HECW2: variants seen among roughly 807,000 people sequenced by gnomAD.
HECW2 encodes the protein E3 ubiquitin-protein ligase HECW2.
HECW2 carries 61 observed loss-of-function variants against 175.2 expected under a neutral mutation model. The ratio of observed to expected loss-of-function variants is 0.35; its 90% CI spans 0.28 to 0.43. The LOEUF (loss-of-function observed/expected upper bound fraction) is 0.43. Ranked by LOEUF, HECW2 falls within the 20% of genes least tolerant of loss-of-function variation. The probability of loss-of-function intolerance (pLI) is 1.00; values close to 1 mark genes in which losing one functional copy is unlikely to be tolerated. For synonymous variants in HECW2, 671 were observed against 731.0 expected (o/e 0.92, Z 1.32); for missense variants, 1,524 against 2,000.5 (o/e 0.76, Z 4.54).
intron 17 of HECW2, among the ~76,000 whole-genome samples, chr2:196,262,451 T>C (rs371644369): frequency 6.6e-6 from 1 of 152,252 alleles, no homozygotes; most frequent in African/African-American, 2.4e-5. Context: ...TATCTCTCTG[T>C]GCCCCTTAGA....
chr2:196,447,306 C>T (rs1335331670), intron 1 of HECW2, among the ~76,000 whole-genome samples: 1 of 152,134 alleles, frequency 6.6e-6, no homozygotes, highest in South Asian at 2.1e-4. Context: ...AAAAGTATCA[C>T]ACAACGATGA....
chr2:196,482,186 G>C (rs1686864432), intron 1 of HECW2, among the ~76,000 whole-genome samples: 1 of 152,200 alleles, frequency 6.6e-6, no homozygotes, highest in African/African-American at 2.4e-5. Flanking sequence ...GATACTCACA[G>C]GGCCAATATG....
chr2:196,433,691 A>G (rs1348279329), intron 1 of HECW2, among the ~76,000 whole-genome samples: 2 of 152,098 alleles, frequency 1.3e-5, no homozygotes, highest in Non-Finnish European at 2.9e-5. Context: ...CCTCGATTTC[A>G]CTTGGCACAG....
intron 2 of HECW2, among the ~76,000 whole-genome samples, chr2:196,350,630 A>C (rs151313939): frequency 2.0e-5 from 3 of 150,436 alleles, no homozygotes; most frequent in African/African-American, 7.5e-5. Flanking sequence ...TCATTCATTC[A>C]TTCATTTGAC....
At chr2:196,520,295 G>A (rs931112408) in intron 1 of HECW2, among the ~76,000 whole-genome samples, 4 of 151,594 alleles carry the variant, frequency 2.6e-5, no homozygotes, top group Non-Finnish European at 4.4e-5. Context: ...CAGTGAGCAT[G>A]GTAGACTGTG....
At chr2:196,361,856 C>G (rs889701407) in intron 2 of HECW2, 1 of 985,334 alleles carries the variant, frequency 1.0e-6, no homozygotes, top group African/African-American at 1.7e-5. Context: ...TCAAATGAGA[C>G]TTAGGCAGCA....
intron 10 of HECW2, 42 bp from the exon 11 acceptor site, chr2:196,308,127 C>G (rs2105714273): frequency 6.9e-7 from 1 of 1,449,694 alleles, no homozygotes; most frequent in Admixed American, 2.1e-5. Flanking sequence ...GGAGGAGGAG[C>G]TGAGATGATT....
chr2:196,360,234 G>A (rs1345158519), intron 2 of HECW2, among the ~76,000 whole-genome samples: 2 of 152,180 alleles, frequency 1.3e-5, no homozygotes, highest in Non-Finnish European at 1.5e-5. Flanking sequence ...TATCATAATA[G>A]CACATGCCTG....
chr2:196,292,589 T>C lies in HECW2; in HGVS notation c.2976A>G (p.Glu992=). Residue 992 remains glutamate (E), a synonymous_variant, in exon 14 of 29, where the codon GAA becomes GAG. Transcript: ENST00000644978. ...NKQLELPRGW[E]MKHDHQGKAF... ...CCTTGCCCTGGTGATCATGTTTCAT[T>C]TCCCATCCCCGCGGCAGCTCTAGCT... The C allele has an allele frequency of 1.2e-6, 2 of 1,613,684 alleles. No homozygotes were observed. Among genetic ancestry groups the C allele is most frequent in the Non-Finnish European group, 1.7e-6 (2 of 1,179,722 alleles).
In HECW2 at chr2:196,253,198, T is replaced by C. The variant is rs530046415; in HGVS notation, c.3529+722A>G. 8.5e-5 allele frequency among the ~76,000 whole-genome samples: 13 copies of C among 152,364 alleles called. No individual in the cohort carries two copies. The South Asian group carries it at 1.9e-3, about 22-fold the overall frequency. ...ACATACAGCAGCTTAGTGACACATA[T>C]GGAGTTTGCACTTCTACTGAAATCA... On this transcript the variant is annotated intron_variant, in intron 19 of 28. Coordinates refer to ENST00000644978, the MANE Select transcript of HECW2 (RefSeq NM_001348768.2).
At chr2:196,574,577 A>T (rs908737460) in intron 1 of HECW2, among the ~76,000 whole-genome samples, 1 of 152,224 alleles carries the variant, frequency 6.6e-6, no homozygotes, top group African/African-American at 2.4e-5. Context: ...GATTGGAAGA[A>T]TTAATAACAT....
At chr2:196,233,857 A>G (rs922014634) in intron 21 of HECW2, among the ~76,000 whole-genome samples, 1 of 152,192 alleles carries the variant, frequency 6.6e-6, no homozygotes. Flanking sequence ...TGAGGATCTG[A>G]CCAGTCATAT....
At chr2:196,333,226 T>C (rs1175913131) in intron 4 of HECW2, among the ~76,000 whole-genome samples, 1 of 152,118 alleles carries the variant, frequency 6.6e-6, no homozygotes. Context: ...ATGTCTCTCT[T>C]CTGCACCAGA....
At chr2:196,213,917 G>A (rs1687379266) in intron 28 of HECW2, among the ~76,000 whole-genome samples, 1 of 152,152 alleles carries the variant, frequency 6.6e-6, no homozygotes, top group Non-Finnish European at 1.5e-5. Context: ...AAGATGAAGT[G>A]TTCTCTAAGG....
chr2:196,308,235 C>T, intron 10 of HECW2, 150 bp from the exon 11 acceptor site: 1 of 476,704 alleles, frequency 2.1e-6, no homozygotes, highest in Non-Finnish European at 3.6e-6. Context: ...CATACTTCTC[C>T]CCAGTTCACT....
chr2:196,543,658 G>A (rs1689302936), intron 1 of HECW2, among the ~76,000 whole-genome samples: 1 of 151,372 alleles, frequency 6.6e-6, no homozygotes, highest in East Asian at 1.9e-4. Context: ...TGTCGCCCAC[G>A]CTGGAATGCA....
chr2:196,233,207 T>C (rs1014347526), intron 21 of HECW2, among the ~76,000 whole-genome samples: 3 of 152,180 alleles, frequency 2.0e-5, no homozygotes, highest in African/African-American at 4.8e-5. Flanking sequence ...CACGGAAATA[T>C]AAAAACTCTG....
chr2:196,231,984 T>C lies in HECW2; in HGVS notation c.3765-3730A>G, dbSNP rs550564378. The stretch of plus-strand genomic sequence containing the variant: ...AGCCTGGGTGACAGTGAGAGAGACT[T>C]TGTATCAAATAAAAAAAAAATCTAG... On this transcript the variant is annotated intron_variant, in intron 21 of 28. Coordinates refer to ENST00000644978, the MANE Select transcript of HECW2 (RefSeq NM_001348768.2). Among the ~76,000 whole-genome samples the C allele has an allele frequency of 3.9e-5, 6 of 151,992 alleles. No homozygotes were observed. In the South Asian group the frequency reaches 1.0e-3, roughly 26 times the overall value.
chr2:196,317,315 T>A lies in HECW2; in HGVS notation c.2393A>T (p.Asp798Val). The change falls in exon 10 of 29, where the codon GAT becomes GTT. Residue 798 changes from aspartate to valine, a missense_variant. Physicochemically the swap from Asp to Val is radical, Grantham distance 152 (BLOSUM62 -3). Transcript: ENST00000644978. The part of the protein sequence containing the change: ...PLRSLPSVRQ[D>V]VSRYQRVDEA... ...GTCCACCCTCTGGTACCGGCTAACATCCTGGCGCACTGAAGGTAGTGATCG... is the reference window on the plus strand; with the variant it reads ...GTCCACCCTCTGGTACCGGCTAACAACCTGGCGCACTGAAGGTAGTGATCG... 6.2e-7 allele frequency: 1 copy of A among 1,613,636 alleles called. No homozygotes were observed. Among genetic ancestry groups the A allele is most frequent in the South Asian group, 1.1e-5 (1 of 90,858 alleles).
Sources: allele counts gnomAD v4.1 joint callset (sites outside exome capture counted in the v4.1 genomes callset), GRCh38; gene constraint gnomAD v4.1.1; transcripts MANE v1.5; gene names NCBI Gene and HGNC (gene_info 2026-07-23, HGNC 2026-07-21).